RGS3: variants seen among roughly 807,000 people sequenced by gnomAD.
RGS3 encodes regulator of G-protein signalling 3.
In RGS3, 80 loss-of-function variants were observed where a neutral mutation model predicts 132.6. The ratio of observed to expected loss-of-function variants is 0.60; its 90% CI spans 0.50 to 0.73. The LOEUF (loss-of-function observed/expected upper bound fraction) is 0.73, where lower values mean the gene tolerates loss of function less well. Among genes scored for constraint, RGS3 ranks in the 30% least tolerant of loss-of-function variants. RGS3 has a pLI of 0.00. For missense variants in RGS3, 1,382 were observed against 1,530.8 expected (o/e 0.90, Z 1.62); for synonymous variants, 598 against 620.6 (o/e 0.96, Z 0.54).
chr9:113,553,277 A>T lies in RGS3; in HGVS notation c.2037+16359A>T, dbSNP rs569625913. The stretch of plus-strand genomic sequence containing the variant: ...GGCAATATAGTGAGACCCCATCGCT[A>T]CAAAAAATAAAAAAAATTATCCAGG... On this transcript the variant is annotated intron_variant, in intron 19 of 24. Transcript: ENST00000350696. Among the ~76,000 whole-genome samples the T allele has an allele frequency of 2.4e-3, 359 of 149,698 alleles. 2 individuals are homozygous for T. The highest frequency in any genetic ancestry group is 8.1e-3 in the African/African-American group (328 of 40,652).
At chr9:113,546,170 A>G (rs1833106296) in intron 19 of RGS3, among the ~76,000 whole-genome samples, 1 of 152,028 alleles carries the variant, frequency 6.6e-6, no homozygotes, top group Admixed American at 6.5e-5. Flanking sequence ...CCCTTCTCTA[A>G]ACTCACTGTG....
upstream of RGS3, among the ~76,000 whole-genome samples, chr9:113,457,960 G>A (rs1829398177): frequency 6.6e-6 from 1 of 152,162 alleles, no homozygotes; most frequent in African/African-American, 2.4e-5. Flanking sequence ...ACCAAATAAG[G>A]TTAGAAACAG....
At chr9:113,541,923 T>G in intron 19 of RGS3, 1 of 947,348 alleles carries the variant, frequency 1.1e-6, no homozygotes, top group Non-Finnish European at 1.3e-6. Context: ...TGCTAGGAGC[T>G]GGGGATACTG....
In RGS3 at chr9:113,484,233, G is replaced by T; in HGVS notation, c.620+1G>T. ...CGGCTTTCCACGAGCACTTCTTCTT[G>T]TAAGAGTCTGGTGCAGCTGGGCCCT... On this transcript the variant is annotated splice_donor_variant, in intron 6 of 24. Coordinates refer to ENST00000350696, the Ensembl canonical transcript of RGS3. LOFTEE classifies it high-confidence loss of function. The T allele has an allele frequency of 6.8e-7, 1 of 1,462,448 alleles. No individual in the cohort carries two copies. The highest frequency in any genetic ancestry group is 9.2e-7 in the Non-Finnish European group (1 of 1,081,226). 90.6% of individuals were successfully genotyped at this position (1,462,448 alleles called of 1,614,324 possible).
chr9:113,474,627 G>T (rs1829934733), intron 3 of RGS3, among the ~76,000 whole-genome samples: 1 of 152,166 alleles, frequency 6.6e-6, no homozygotes, highest in African/African-American at 2.4e-5. Context: ...GAAATCTGTG[G>T]ATGTTAGCGG....
rs923963900 is a variant in RGS3 at position 113,545,224 on chromosome 9, G to T, written c.2037+8306G>T. Among the ~76,000 whole-genome samples, 8 of 152,216 alleles carry T rather than the reference G, an allele frequency of 5.3e-5. No homozygotes were observed. In the South Asian group the frequency reaches 8.3e-4, roughly 16 times the overall value. On this transcript the variant is annotated intron_variant, in intron 19 of 24. Coordinates refer to ENST00000350696, the Ensembl canonical transcript of RGS3. ...TGGAATATTAGCCAAAGGCAGAGAG[G>T]TATAGCTTCAGGCTCAGGCTGGCTT...
At chr9:113,563,412 G>A (rs1444905562) in intron 19 of RGS3, among the ~76,000 whole-genome samples, 3 of 152,146 alleles carry the variant, frequency 2.0e-5, no homozygotes, top group Non-Finnish European at 4.4e-5. Context: ...GCTGAAGCTC[G>A]AGGGCACCTC....
intron 14 of RGS3, among the ~76,000 whole-genome samples, chr9:113,512,994 C>T (rs1442908697): frequency 3.3e-5 from 5 of 152,086 alleles, no homozygotes; most frequent in African/African-American, 7.2e-5. Flanking sequence ...GTTGGGAGTT[C>T]GAGACCAGCC....
At chr9:113,485,338 C>G (rs991423090) in intron 6 of RGS3, among the ~76,000 whole-genome samples, 4 of 152,178 alleles carry the variant, frequency 2.6e-5, no homozygotes, top group African/African-American at 7.2e-5. Context: ...ATCCGCCCAC[C>G]TCTGTCTCCC....
At chr9:113,445,829 C>T (rs1195321554) in intron 1 of RGS3, among the ~76,000 whole-genome samples, 1 of 152,124 alleles carries the variant, frequency 6.6e-6, no homozygotes, top group Non-Finnish European at 1.5e-5. Context: ...CAGTCATGTG[C>T]CACCAAGCCC....
chr9:113,595,601 G>A (rs375907877), exon 24 of RGS3: 8 of 1,613,698 alleles, frequency 5.0e-6, no homozygotes, highest in African/African-American at 1.3e-5. Flanking sequence ...CCTCACAGAC[G>A]GGTTAGCAGT....
At chr9:113,573,664 C>T (rs1275278836) in intron 19 of RGS3, among the ~76,000 whole-genome samples, 1 of 152,178 alleles carries the variant, frequency 6.6e-6, no homozygotes, top group Admixed American at 6.5e-5. Flanking sequence ...TGGAAGGGGA[C>T]CCTGGGAGGG....
At chr9:113,488,904 T>A (rs1047883002) in intron 7 of RGS3, among the ~76,000 whole-genome samples, 1 of 152,238 alleles carries the variant, frequency 6.6e-6, no homozygotes, top group African/African-American at 2.4e-5. Context: ...GACAGAGTGA[T>A]TGCAGGAAAC....
At chr9:113,587,458 CTTGGCCAAG>C (rs1835174342) in intron 20 of RGS3, among the ~76,000 whole-genome samples, 2 of 152,318 alleles carry the variant, frequency 1.3e-5, no homozygotes, top group South Asian at 4.1e-4. Context: ...GCTCTGAGAC[CTTGGCCAAG>C]TTGCTTCTTT....
At chr9:113,476,680 C>T (rs186670449) in intron 3 of RGS3, among the ~76,000 whole-genome samples, 1 of 152,376 alleles carries the variant, frequency 6.6e-6, no homozygotes, top group Admixed American at 6.5e-5. Flanking sequence ...TCCAGCTTCT[C>T]ACTTGGCCTT....
intron 19 of RGS3, among the ~76,000 whole-genome samples, chr9:113,567,691 T>C (rs1055103337): frequency 1.3e-5 from 2 of 152,188 alleles, no homozygotes; most frequent in African/African-American, 4.8e-5. Context: ...GGGGTCATGC[T>C]GGGCTAGGTG....
At chr9:113,571,629 G>A (rs541815600) in intron 19 of RGS3, among the ~76,000 whole-genome samples, 2 of 152,194 alleles carry the variant, frequency 1.3e-5, no homozygotes, top group African/African-American at 4.8e-5. Flanking sequence ...ATTGTTGGAT[G>A]TGCACATTCC....
intron 3 of RGS3, among the ~76,000 whole-genome samples, chr9:113,478,366 G>T (rs1830060037): frequency 2.0e-5 from 3 of 152,122 alleles, no homozygotes; most frequent in Admixed American, 1.3e-4. Flanking sequence ...AATTGTGATA[G>T]ATTGAAATTC....
rs1205067711 is a variant in RGS3, at chr9:113,463,802, C to A, written c.415+1601C>A. The A allele has an allele frequency of 6.2e-7, 1 of 1,610,442 alleles. No individual in the cohort carries two copies. The highest frequency in any genetic ancestry group is 1.7e-5 in the Admixed American group (1 of 59,618). ...TCCTGTCCGGGTCGCAGTGGGACGC[C>A]ATGGAGCGCTCCCTGCACCGCGTCT... On this transcript the variant is annotated intron_variant, in intron 3 of 24. Coordinates refer to ENST00000350696, the Ensembl canonical transcript of RGS3. The surrounding 1 kb of genome is among the most constrained non-coding windows in gnomAD (Gnocchi z 4.6).
Sources: gnomAD v4.1 joint callset for allele counts (sites outside exome capture counted in the v4.1 genomes callset) on GRCh38, gnomAD v4.1.1 for gene constraint, Gnocchi (gnomAD v3.1) non-coding constraint, MANE v1.5 for transcripts, NCBI Gene and HGNC (gene_info 2026-07-23, HGNC 2026-07-21) for gene names.